Variants in ATP5F1C observed in about 807,000 individuals in gnomAD.
ATP5F1C encodes ATP synthase F(1) complex subunit gamma, mitochondrial.
A neutral mutation model predicts 37.4 loss-of-function variants in ATP5F1C; 22 were observed. That is an observed-to-expected ratio of 0.59 (90% CI 0.42 to 0.84). The LOEUF is 0.84. Ranked by LOEUF, ATP5F1C falls within the 40% of genes least tolerant of loss-of-function variation. The pLI is 0.00. For synonymous variants in ATP5F1C, 121 were observed against 128.0 expected (o/e 0.95, Z 0.37); for missense variants, 286 against 362.4 (o/e 0.79, Z 1.71).
Position 7,799,206 on chromosome 10 carries a change from A to G in ATP5F1C, c.428+12A>G, listed in dbSNP as rs756003385. On this transcript the variant is annotated intron_variant, in intron 4 of 9. Transcript: ENST00000356708. ...GGCATACTTTATAGGTAATTTAAAT[A>G]TATATTGTTTATTTTCATAAAGATG... The G allele has an allele frequency of 1.2e-6, 2 of 1,603,716 alleles. No individual in the cohort carries two copies. The highest frequency in any genetic ancestry group is 2.3e-5 in the East Asian group (1 of 44,438).
Position 7,798,744 on chromosome 10 carries a change from C to T in ATP5F1C, c.224-246C>T, listed in dbSNP as rs184157766. Among the ~76,000 whole-genome samples, 6 of 151,956 alleles carry T rather than the reference C, an allele frequency of 3.9e-5. No homozygotes were observed. In the East Asian group the frequency reaches 7.7e-4, roughly 20 times the overall value. ...CGGGATTTCACTACGTTGGCCAGGC[C>T]GGTCTCAAACTCCTGACCTCAGGTG... On this transcript the variant is annotated intron_variant, in intron 3 of 9. Transcript: ENST00000356708.
intron 1 of ATP5F1C, among the ~76,000 whole-genome samples, chr10:7,791,460 T>C (rs1382500392): frequency 6.6e-6 from 1 of 152,230 alleles, no homozygotes; most frequent in African/African-American, 2.4e-5. Flanking sequence ...TGCTTGCTTT[T>C]TAAGTTTTTA....
intron 6 of ATP5F1C, among the ~76,000 whole-genome samples, chr10:7,801,757 A>G (rs1232640907): frequency 1.3e-5 from 2 of 152,238 alleles, no homozygotes; most frequent in Non-Finnish European, 2.9e-5. Context: ...AATGCACCCC[A>G]TCACACAAGG....
intron 8 of ATP5F1C, among the ~76,000 whole-genome samples, chr10:7,804,595 G>A (rs1836437716): frequency 6.6e-6 from 1 of 152,166 alleles, no homozygotes; most frequent in Admixed American, 6.5e-5. Flanking sequence ...TCTGAGTGAG[G>A]CAGCCTTCTG....
chr10:7,792,976 C>T (rs1435236012), intron 1 of ATP5F1C, among the ~76,000 whole-genome samples: 2 of 152,220 alleles, frequency 1.3e-5, no homozygotes, highest in African/African-American at 4.8e-5. Context: ...TCCACATCCT[C>T]ATCATCATTT....
intron 9 of ATP5F1C, 50 bp downstream of exon 9, chr10:7,807,060 A>C: frequency 6.6e-7 from 1 of 1,521,714 alleles, no homozygotes. Context: ...AAACCTATTC[A>C]GATATAAGTT....
In ATP5F1C at chr10:7,797,097, A is replaced by G. The variant is rs1260367512; in HGVS notation, c.142A>G (p.Met48Val). ...IKNIQKITKSMKMVAAAKYAR... is the reference protein window; with the variant it reads ...IKNIQKITKSVKMVAAAKYAR... ...AAACATCCAGAAAATTACCAAGTCT[A>G]TGAAAATGGTAGCGGCAGCAAAATA... is the stretch of plus-strand genomic sequence containing the variant. Residue 48 changes from methionine (M) to valine (V), a missense_variant, in exon 3 of 10, where the codon ATG (methionine) becomes GTG (valine). By Grantham distance (21) the Met-to-Val change is conservative. Coordinates refer to ENST00000356708, the MANE Select transcript of ATP5F1C (RefSeq NM_001001973.3). 6.2e-6 allele frequency: 10 copies of G among 1,614,110 alleles called. No homozygotes were observed. The highest frequency in any genetic ancestry group is 7.6e-6 in the Non-Finnish European group (9 of 1,180,048).
intron 1 of ATP5F1C, among the ~76,000 whole-genome samples, chr10:7,792,473 A>G (rs888891061): frequency 6.6e-6 from 1 of 152,202 alleles, no homozygotes; most frequent in Non-Finnish European, 1.5e-5. Context: ...CCACCATTAC[A>G]ATATCATGCC....
At chr10:7,806,522 T>A (rs901298759) in intron 8 of ATP5F1C, among the ~76,000 whole-genome samples, 2 of 152,014 alleles carry the variant, frequency 1.3e-5, no homozygotes, top group Non-Finnish European at 2.9e-5. Flanking sequence ...CTGGGCGTGG[T>A]GGCGGGCACC....
chr10:7,791,647 C>T (rs1221431562), intron 1 of ATP5F1C, among the ~76,000 whole-genome samples: 4 of 152,100 alleles, frequency 2.6e-5, no homozygotes, highest in South Asian at 2.1e-4. Flanking sequence ...CTTAGTCTCC[C>T]GAGGATCTCA....
chr10:7,795,858 G>A (rs937295946), intron 1 of ATP5F1C, among the ~76,000 whole-genome samples: 1 of 152,178 alleles, frequency 6.6e-6, no homozygotes, highest in African/African-American at 2.4e-5. Flanking sequence ...ACTAGAGCAT[G>A]TGTGAGTCAA....
At chr10:7,805,746 C>CAA (rs547312025) in intron 8 of ATP5F1C, among the ~76,000 whole-genome samples, 92 of 89,564 alleles carry the variant, frequency 1.0e-3, no homozygotes, top group Non-Finnish European at 1.3e-3. Flanking sequence ...GACTCCTTCT[C>CAA]AAAAAAAAAA....
At chr10:7,795,354 G>A (rs1836220685) in intron 1 of ATP5F1C, among the ~76,000 whole-genome samples, 1 of 152,104 alleles carries the variant, frequency 6.6e-6, no homozygotes, top group Non-Finnish European at 1.5e-5. Flanking sequence ...ACTTTGTATG[G>A]ATTTGAAGGC....
At chr10:7,799,662 A>AC (rs1424957316) in intron 4 of ATP5F1C, 110 bp from the exon 5 acceptor site, 2 of 1,283,144 alleles carry the variant, frequency 1.6e-6, no homozygotes, top group East Asian at 4.7e-5. Context: ...CACCACCCAT[A>AC]CCCCAAAAGA....
At chr10:7,794,280 T>C (rs549536687) in intron 1 of ATP5F1C, among the ~76,000 whole-genome samples, 2 of 152,206 alleles carry the variant, frequency 1.3e-5, no homozygotes, top group African/African-American at 4.8e-5. Flanking sequence ...TTTTATTCTT[T>C]GGGATTTTCT....
intron 8 of ATP5F1C, among the ~76,000 whole-genome samples, chr10:7,806,239 T>G (rs549817180): frequency 9.8e-5 from 15 of 152,348 alleles, no homozygotes; most frequent in Admixed American, 9.8e-4. Context: ...CTTGAATATT[T>G]AAACATACTT....
At chr10:7,806,847 T>C (rs1004243359) in intron 8 of ATP5F1C, 127 bp from the exon 9 acceptor site, 21 of 681,382 alleles carry the variant, frequency 3.1e-5, no homozygotes, top group Non-Finnish European at 5.1e-5. Context: ...TTTTGCATGA[T>C]GTACTCAAGG....
intron 4 of ATP5F1C, 47 bp from the exon 5 acceptor site, chr10:7,799,725 C>G: frequency 6.2e-7 from 1 of 1,600,206 alleles, no homozygotes; most frequent in Non-Finnish European, 8.5e-7. Flanking sequence ...GCTCTTTCAG[C>G]AGAAATCTTA....
At chr10:7,789,459 A>G (rs889232589) in intron 1 of ATP5F1C, among the ~76,000 whole-genome samples, 3 of 152,066 alleles carry the variant, frequency 2.0e-5, no homozygotes, top group Admixed American at 2.0e-4. Context: ...TTTCTCTAAT[A>G]TGGAAAAAGA....
Sources: allele counts gnomAD v4.1 joint callset (sites outside exome capture counted in the v4.1 genomes callset), GRCh38; gene constraint gnomAD v4.1.1; transcripts MANE v1.5; gene names NCBI Gene and HGNC (gene_info 2026-07-23, HGNC 2026-07-21).